The following SPON1 variants were observed in gnomAD, a reference collection of about 807,000 sequenced individuals.
The protein encoded by SPON1 is spondin 1.
A neutral mutation model predicts 111.7 loss-of-function variants in SPON1; 52 were observed. That is an observed-to-expected ratio of 0.47 (90% CI 0.37 to 0.59). The LOEUF (loss-of-function observed/expected upper bound fraction) is 0.59, where lower values mean the gene tolerates loss of function less well. SPON1 is among the 20% of genes least tolerant of loss of function. The pLI is 0.00. For synonymous variants in SPON1, 410 were observed against 395.8 expected (o/e 1.04, Z -0.43); for missense variants, 957 against 1,068.5 (o/e 0.90, Z 1.46).
chr11:14,148,528 C>T (rs782628852), intron 6 of SPON1, among the ~76,000 whole-genome samples: 8 of 152,116 alleles, frequency 5.3e-5, no homozygotes, highest in Non-Finnish European at 8.8e-5. Flanking sequence ...AACATTTAAA[C>T]GATGCTGTAT....
chr11:14,264,034 T>TAAAAAAAA (rs113927403), intron 15 of SPON1, among the ~76,000 whole-genome samples: 1 of 117,688 alleles, frequency 8.5e-6, no homozygotes. Flanking sequence ...CGTCTCAAAT[T>TAAAAAAAA]AAAAAAAAAA....
chr11:14,076,233 A>T (rs1001264705), intron 4 of SPON1, among the ~76,000 whole-genome samples: 2 of 152,228 alleles, frequency 1.3e-5, no homozygotes, highest in Non-Finnish European at 2.9e-5. Context: ...AAATAAAAAT[A>T]AAAAATGCTC....
chr11:14,161,221 A>ATATATATC (rs1554931249), intron 6 of SPON1, among the ~76,000 whole-genome samples: 4 of 75,688 alleles, frequency 5.3e-5, no homozygotes, highest in African/African-American at 1.0e-4. Context: ...ATATATATCT[A>ATATATATC]TATATATTTA....
chr11:14,051,044 T>C (rs1554918531), intron 3 of SPON1, among the ~76,000 whole-genome samples: 1 of 152,116 alleles, frequency 6.6e-6, no homozygotes, highest in Non-Finnish European at 1.5e-5. Flanking sequence ...GCAACAGTGG[T>C]TGGAGTCAGA....
At chr11:14,098,549 T>G (rs182134806) in intron 5 of SPON1, among the ~76,000 whole-genome samples, 1 of 152,192 alleles carries the variant, frequency 6.6e-6, no homozygotes, top group African/African-American at 2.4e-5. Flanking sequence ...ATGAATATTA[T>G]GCTCCTGATT....
intron 2 of SPON1, among the ~76,000 whole-genome samples, chr11:14,005,698 G>C (rs1848353721): frequency 6.8e-6 from 1 of 146,688 alleles, no homozygotes; most frequent in Non-Finnish European, 1.5e-5. Context: ...ATGATCATTA[G>C]AGTCCTTGGC....
intron 6 of SPON1, among the ~76,000 whole-genome samples, chr11:14,217,949 C>A (rs993256795): frequency 1.3e-5 from 2 of 152,066 alleles, no homozygotes; most frequent in Admixed American, 1.3e-4. Flanking sequence ...TTTATCAGGC[C>A]CCAGCCTACA....
At chr11:14,201,297 G>A (rs560021588) in intron 6 of SPON1, among the ~76,000 whole-genome samples, 34 of 151,746 alleles carry the variant, frequency 2.2e-4, no homozygotes, top group African/African-American at 2.9e-4. Flanking sequence ...CCAAGATCAC[G>A]CCACTGCACT....
At chr11:14,116,986 T>C (rs1849271625) in intron 5 of SPON1, among the ~76,000 whole-genome samples, 1 of 152,218 alleles carries the variant, frequency 6.6e-6, no homozygotes, top group Non-Finnish European at 1.5e-5. Context: ...ATAATAACTT[T>C]TTAAAATTTC....
chr11:14,262,758 C>G lies in SPON1; in HGVS notation c.2043C>G (p.Asn681Lys). 6.2e-7 allele frequency: 1 copy of G among 1,613,900 alleles called. No homozygotes were observed. Among genetic ancestry groups the G allele is most frequent in the Non-Finnish European group, 8.5e-7 (1 of 1,179,868 alleles). Reference protein sequence around the residue: ...LTEWSQWSECNKSCGKGHVIR... With the variant: ...LTEWSQWSECKKSCGKGHVIR... ...AGTGGTCCCAGTGGTCGGAATGTAA[C>G]AAGTCATGTGGGAAAGGCCACGTGA... The change falls in exon 15 of 16, where the codon AAC (asparagine) becomes AAG (lysine). Residue 681 changes from asparagine (N) to lysine (K), a missense_variant. This residue lies in a region of SPON1 where 549 missense variants were observed against 606.2 expected (regional missense o/e 0.91). Coordinates refer to ENST00000576479, the MANE Select transcript of SPON1 (RefSeq NM_006108.4).
intron 6 of SPON1, among the ~76,000 whole-genome samples, chr11:14,238,108 G>C (rs782450348): frequency 3.3e-5 from 5 of 152,148 alleles, no homozygotes; most frequent in Non-Finnish European, 7.4e-5. Context: ...CTGTCTATTA[G>C]GCAATTTGCA....
chr11:14,240,197 C>T (rs1848910326), intron 6 of SPON1, among the ~76,000 whole-genome samples: 1 of 152,186 alleles, frequency 6.6e-6, no homozygotes, highest in Non-Finnish European at 1.5e-5. Flanking sequence ...ATCTACTGAG[C>T]GGCCGTAGGC....
rs558730573 is a variant in SPON1 at position 14,081,986 on chromosome 11, C to T, written c.676+1965C>T. Among the ~76,000 whole-genome samples, 12 of 152,158 alleles carry T rather than the reference C, an allele frequency of 7.9e-5. No individual in the cohort carries two copies. The South Asian group carries it at 1.2e-3, about 16-fold the overall frequency. On this transcript the variant is annotated intron_variant, in intron 5 of 15. Coordinates refer to ENST00000576479, the MANE Select transcript of SPON1 (RefSeq NM_006108.4). ...GCATCAGCTGTGTGGGAGACCTGTG[C>T]GAAGAAACTTGGACTCTCTGCCTGG...
At chr11:14,078,312 C>A (rs1397379392) in intron 4 of SPON1, among the ~76,000 whole-genome samples, 2 of 152,158 alleles carry the variant, frequency 1.3e-5, no homozygotes, top group East Asian at 1.9e-4. Flanking sequence ...TATCCGAAAG[C>A]CCTTTTGATA....
At chr11:14,007,601 G>C (rs192893640) in intron 2 of SPON1, among the ~76,000 whole-genome samples, 1 of 152,036 alleles carries the variant, frequency 6.6e-6, no homozygotes, top group African/African-American at 2.4e-5. Context: ...ATCTCCTTTC[G>C]CAACACCCTC....
chr11:14,206,756 A>G (rs1413337591), intron 6 of SPON1, among the ~76,000 whole-genome samples: 1 of 152,248 alleles, frequency 6.6e-6, no homozygotes, highest in Admixed American at 6.5e-5. Context: ...ATGGAAAAAC[A>G]TTCCATGCCC....
intron 4 of SPON1, among the ~76,000 whole-genome samples, chr11:14,076,263 A>G (rs1167012420): frequency 3.3e-5 from 5 of 152,228 alleles, no homozygotes; most frequent in Non-Finnish European, 5.9e-5. Context: ...ACAGCATAAC[A>G]ATCTCATTTC....
intron 6 of SPON1, among the ~76,000 whole-genome samples, chr11:14,230,491 A>G (rs533023773): frequency 6.1e-4 from 93 of 152,042 alleles, no homozygotes; most frequent in Middle Eastern, 6.8e-3. Context: ...AAAGCCTAAC[A>G]CTCTTTAAAA....
chr11:13,992,498 G>A (rs1023893711), intron 2 of SPON1, among the ~76,000 whole-genome samples: 21 of 152,312 alleles, frequency 1.4e-4, no homozygotes, highest in African/African-American at 4.3e-4. Flanking sequence ...GCTGGGCTCC[G>A]TGGGGGTGGG....
Sources: allele counts gnomAD v4.1 joint callset (sites outside exome capture counted in the v4.1 genomes callset), GRCh38; gene constraint gnomAD v4.1.1; regional missense constraint gnomAD v4.1.1; transcripts MANE v1.5; gene names NCBI Gene and HGNC (gene_info 2026-07-23, HGNC 2026-07-21).